Variants in SGCZ observed in about 807,000 individuals in gnomAD.
SGCZ encodes sarcoglycan zeta.
Under a neutral mutation model 41.3 loss-of-function variants are expected in SGCZ, and 40 were observed. The observed-to-expected ratio is 0.97, with a 90% CI of 0.75 to 1.26. The LOEUF is 1.26. SGCZ is among the 50% of genes most tolerant of loss of function. SGCZ has a pLI of 0.00. For missense variants in SGCZ, 552 were observed against 369.8 expected, an observed-to-expected ratio of 1.49 and a Z score of -4.04; for synonymous variants, 206 against 137.5, an observed-to-expected ratio of 1.50 and a Z score of -3.49.
intron 1 of SGCZ, among the ~76,000 whole-genome samples, chr8:14,895,275 A>C (rs1042832203): frequency 1.2e-4 from 18 of 152,116 alleles, no homozygotes; most frequent in African/African-American, 3.4e-4. Flanking sequence ...TACATTACCT[A>C]ATTCTTCTGA....
chr8:14,392,865 AT>A (rs1804824518), intron 2 of SGCZ, among the ~76,000 whole-genome samples: 3 of 152,144 alleles, frequency 2.0e-5, no homozygotes. Context: ...TGTATTTGTT[AT>A]CTTTATGTTC....
chr8:14,465,618 A>C (rs147229819), intron 2 of SGCZ, among the ~76,000 whole-genome samples: 129 of 151,722 alleles, frequency 8.5e-4, no homozygotes, highest in Non-Finnish European at 1.5e-3. Context: ...TTTCTGAAGG[A>C]AGACATTTAA....
At chr8:15,066,315 C>CAA (rs34127345) in intron 1 of SGCZ, among the ~76,000 whole-genome samples, 9 of 106,934 alleles carry the variant, frequency 8.4e-5, no homozygotes, top group African/African-American at 2.5e-4. Flanking sequence ...ACTCCGTCTC[C>CAA]AAAAAAAAAA....
In SGCZ at chr8:15,086,704, C is replaced by A. The variant is rs763506945; in HGVS notation, c.39+150881G>T. Among the ~76,000 whole-genome samples, 68 of 152,118 alleles carry A rather than the reference C, an allele frequency of 4.5e-4. 1 individual carries two copies. Among genetic ancestry groups the A allele is most frequent in the South Asian group, 1.0e-3 (5 of 4,818 alleles). On this transcript the variant is annotated intron_variant, in intron 1 of 7. Transcript: ENST00000382080. ...CTTTTTTTTAAAAATTACATCCTCC[C>A]AAATTTTTACTTATTTCTCAACTGC...
chr8:14,503,324 A>T (rs2117056581), intron 2 of SGCZ, among the ~76,000 whole-genome samples: 1 of 152,272 alleles, frequency 6.6e-6, no homozygotes, highest in South Asian at 2.1e-4. Context: ...GAGGGATAGC[A>T]CTAGGAGGAA....
At chr8:14,933,672 T>G (rs1011236634) in intron 1 of SGCZ, among the ~76,000 whole-genome samples, 4 of 151,984 alleles carry the variant, frequency 2.6e-5, no homozygotes, top group Admixed American at 2.0e-4. Flanking sequence ...CAGGATGATC[T>G]CGATCTCCTG....
At chr8:14,927,981 T>C (rs1414660347) in intron 1 of SGCZ, among the ~76,000 whole-genome samples, 2 of 152,124 alleles carry the variant, frequency 1.3e-5, no homozygotes, top group African/African-American at 2.4e-5. Flanking sequence ...GTCAAAGTCA[T>C]CTCCTTTTTT....
At chr8:14,995,800 T>C (rs530462534) in intron 1 of SGCZ, among the ~76,000 whole-genome samples, 3 of 152,200 alleles carry the variant, frequency 2.0e-5, no homozygotes, top group Non-Finnish European at 4.4e-5. Context: ...AAATATCTAA[T>C]ATGCATTAAT....
chr8:14,199,199 G>GA (rs1385783093), intron 4 of SGCZ, among the ~76,000 whole-genome samples: 1 of 152,196 alleles, frequency 6.6e-6, no homozygotes, highest in African/African-American at 2.4e-5. Flanking sequence ...CTGAGAAAGA[G>GA]AATGTGTCCC....
chr8:14,587,112 T>A (rs977015774), intron 1 of SGCZ, among the ~76,000 whole-genome samples: 1 of 152,020 alleles, frequency 6.6e-6, no homozygotes, highest in Admixed American at 6.6e-5. Context: ...GCATAAGCAT[T>A]AAAGACTTAA....
intron 1 of SGCZ, among the ~76,000 whole-genome samples, chr8:14,631,496 G>A (rs925255234): frequency 7.2e-5 from 11 of 151,966 alleles, no homozygotes; most frequent in African/African-American, 2.7e-4. Flanking sequence ...GCTTCCCCTT[G>A]CCCAGAGATA....
intron 1 of SGCZ, among the ~76,000 whole-genome samples, chr8:14,888,720 T>C (rs1804900841): frequency 6.6e-6 from 1 of 152,130 alleles, no homozygotes; most frequent in Non-Finnish European, 1.5e-5. Context: ...TCAATTTCAT[T>C]CCATTTTATA....
chr8:14,975,946 T>C (rs1801459728), intron 1 of SGCZ, among the ~76,000 whole-genome samples: 2 of 147,226 alleles, frequency 1.4e-5, no homozygotes, highest in Non-Finnish European at 3.0e-5. Flanking sequence ...TCAAATGCAT[T>C]TCCATAAACA....
At chr8:14,772,566 T>C (rs1275210200) in intron 1 of SGCZ, among the ~76,000 whole-genome samples, 1 of 141,554 alleles carries the variant, frequency 7.1e-6, no homozygotes, top group African/African-American at 2.6e-5. Flanking sequence ...CTCCTAATGC[T>C]CTCCCTCCCC....
chr8:14,830,046 G>T (rs1465418808), intron 1 of SGCZ, among the ~76,000 whole-genome samples: 1 of 152,126 alleles, frequency 6.6e-6, no homozygotes, highest in East Asian at 1.9e-4. Flanking sequence ...GCCTGACCTC[G>T]TGATCTGCAC....
In SGCZ at chr8:14,751,953, A is replaced by C. The variant is rs142191134; in HGVS notation, c.40-197027T>G. On this transcript the variant is annotated intron_variant, in intron 1 of 7. Transcript: ENST00000382080. The stretch of plus-strand genomic sequence containing the variant: ...ACTCAAGAAAAACAAAAACAAACAA[A>C]AAAAAAAAACACCTTAGAGGATTTG... Among the ~76,000 whole-genome samples the C allele has an allele frequency of 6.4e-3, 938 of 146,282 alleles. 14 individuals are homozygous for C. Among genetic ancestry groups the C allele is most frequent in the East Asian group, 0.043 (208 of 4,818 alleles).
intron 1 of SGCZ, among the ~76,000 whole-genome samples, chr8:15,192,698 G>A (rs1321221318): frequency 6.6e-6 from 1 of 152,040 alleles, no homozygotes; most frequent in Non-Finnish European, 1.5e-5. Flanking sequence ...CAAGTTCTAT[G>A]ATAAGTTGTA....
chr8:15,116,182 T>A (rs1214456767), intron 1 of SGCZ, among the ~76,000 whole-genome samples: 1 of 152,150 alleles, frequency 6.6e-6, no homozygotes, highest in African/African-American at 2.4e-5. Flanking sequence ...CCCATACAAC[T>A]CTTCATTTTT....
intron 2 of SGCZ, among the ~76,000 whole-genome samples, chr8:14,422,887 G>A (rs373220382): frequency 1.5e-4 from 23 of 151,914 alleles, no homozygotes; most frequent in African/African-American, 5.1e-4. Flanking sequence ...AATTAGCCAG[G>A]CATGGTGATG....
Sources: allele counts gnomAD v4.1 joint callset (sites outside exome capture counted in the v4.1 genomes callset), GRCh38; gene constraint gnomAD v4.1.1; transcripts MANE v1.5; gene names NCBI Gene and HGNC (gene_info 2026-07-23, HGNC 2026-07-21).